Variants in TRIM8 observed in about 807,000 individuals in gnomAD.
TRIM8 encodes tripartite motif containing 8.
A neutral mutation model predicts 55.7 loss-of-function variants in TRIM8; 9 were observed. That is an observed-to-expected ratio of 0.16 (90% CI 0.10 to 0.28). TRIM8 has a LOEUF of 0.28. Among genes scored for constraint, TRIM8 ranks in the 10% least tolerant of loss-of-function variants. TRIM8 has a pLI of 1.00. For synonymous variants in TRIM8, 335 were observed against 333.3 expected, an observed-to-expected ratio of 1.01 and a Z score of -0.06; for missense variants, 556 against 736.4, an observed-to-expected ratio of 0.76 and a Z score of 2.83.
chr10:102,651,767 G>T (rs1049334883), intron 1 of TRIM8, among the ~76,000 whole-genome samples: 3 of 152,242 alleles, frequency 2.0e-5, no homozygotes, highest in African/African-American at 7.2e-5. Context: ...TCCAGGGGAG[G>T]TCAGTGGGCC....
rs2063919842 is a variant in TRIM8 at position 102,644,864 on chromosome 10, G to A, written c.247G>A (p.Val83Met). Residue 83 changes from valine to methionine, a missense_variant, in exon 1 of 6, where the codon GTG becomes ATG. Val to Met is a conservative substitution (Grantham distance 21). Coordinates refer to ENST00000643721, the MANE Select transcript of TRIM8 (RefSeq NM_030912.3). ...CGTGGAGAAGTTCAATGCCCTGCAC[G>A]TGGAGAAGCCGCCGGCGGCGCTGCA... ...NIVEKFNALH[V>M]EKPPAALHCV... 3.1e-6 allele frequency: 5 copies of A among 1,612,174 alleles called. No homozygotes were observed. The African/African-American group carries it at 5.3e-5, about 17-fold the overall frequency.
Position 102,656,895 on chromosome 10 carries a change from G to T in TRIM8, c.1197G>T (p.Gln399His), listed in dbSNP as rs2064029979. The T allele has an allele frequency of 2.5e-6, 4 of 1,592,900 alleles. No homozygotes were observed. Among genetic ancestry groups the T allele is most frequent in the Non-Finnish European group, 3.4e-6 (4 of 1,169,114 alleles). Residue 399 changes from glutamine to histidine, a missense_variant, in exon 6 of 6, where the codon CAG (glutamine) becomes CAT (histidine). By Grantham distance (24) the Gln-to-His change is conservative (BLOSUM62 0). Transcript: ENST00000643721. This position sits in a 1 kb window ranked among gnomAD's most constrained non-coding sequence, Gnocchi z 4.6. ...LETSSGPVGG[Q>H]YGAAGTASGE... ...CGTCGTCGGGCCCTGTGGGCGGCCA[G>T]TACGGGGCGGCGGGCACAGCCAGCG...
At chr10:102,654,108 G>A (rs1180776630) in intron 1 of TRIM8, 1 of 154,916 alleles carries the variant, frequency 6.5e-6, no homozygotes, top group Non-Finnish European at 1.4e-5. Context: ...ACAGAGGTTG[G>A]TGTAGCCCTG....
intron 1 of TRIM8, chr10:102,653,628 G>A (rs12764388): frequency 0.088 from 13,392 of 152,412 alleles, 814 homozygotes; most frequent in East Asian, 0.15. Context: ...CAGCAGCCTG[G>A]CCTCAGGTCT....
chr10:102,654,891 C>T, intron 2 of TRIM8, 143 bp downstream of exon 2: 1 of 912,208 alleles, frequency 1.1e-6, no homozygotes, highest in Non-Finnish European at 1.8e-6. Flanking sequence ...TGGATGCCCA[C>T]TGGTGCCAGG....
Position 102,656,068 on chromosome 10 carries a change from C to T in TRIM8, c.901-38C>T. On this transcript the variant is annotated intron_variant, in intron 3 of 5. Transcript: ENST00000643721. This position sits in a 1 kb window ranked among gnomAD's most constrained non-coding sequence, Gnocchi z 4.6. ...CTCTCCCCGGGCTCTCCCTGGACTGCCTTTTCCACTGACTTGACTCTTTTC... is the reference window on the plus strand; with the variant it reads ...CTCTCCCCGGGCTCTCCCTGGACTGTCTTTTCCACTGACTTGACTCTTTTC... 1 of 1,613,180 alleles carries T rather than the reference C, an allele frequency of 6.2e-7. No homozygotes were observed. Among genetic ancestry groups the T allele is most frequent in the Non-Finnish European group, 8.5e-7 (1 of 1,179,612 alleles).
At chr10:102,654,794 G>T (rs772322365) in intron 2 of TRIM8, 46 bp downstream of exon 2, 3 of 1,425,058 alleles carry the variant, frequency 2.1e-6, no homozygotes, top group Non-Finnish European at 3.0e-6. Flanking sequence ...TGGCTTGAGC[G>T]CAGGGCTTTG....
chr10:102,645,712 A>T (rs1164339165), intron 1 of TRIM8: 2 of 152,650 alleles, frequency 1.3e-5, no homozygotes, highest in Non-Finnish European at 2.9e-5. Flanking sequence ...GGGAGTTTCC[A>T]GAGGGAGAGC....
intron 1 of TRIM8, among the ~76,000 whole-genome samples, chr10:102,650,331 G>T (rs1045823067): frequency 6.6e-6 from 1 of 152,166 alleles, no homozygotes; most frequent in South Asian, 2.1e-4. Flanking sequence ...GCTCCAGGCC[G>T]GGAGGGGAGT....
intron 1 of TRIM8, among the ~76,000 whole-genome samples, chr10:102,649,538 C>A (rs1319036701): frequency 2.6e-5 from 4 of 152,260 alleles, no homozygotes; most frequent in African/African-American, 9.6e-5. Context: ...GAAAGCCTTC[C>A]TTTCCCGGCT....
At position 102,657,210 on chromosome 10, in the gene TRIM8, C is replaced by T. The variant is rs757225935; in HGVS notation, c.1512C>T (p.His504=). 2.5e-6 allele frequency: 4 copies of T among 1,614,016 alleles called. No homozygotes were observed. The highest frequency in any genetic ancestry group is 3.4e-6 in the Non-Finnish European group (4 of 1,179,968). The change falls in exon 6 of 6, where the codon CAC becomes CAT. Residue 504 remains histidine (H), a synonymous_variant. Transcript: ENST00000643721. The part of the protein sequence containing the change: ...PWTVPSQEYS[H]PLPPTPSVPQ... Reference sequence around the variant, plus strand: ...CAGTGCCCTCGCAGGAGTACTCACACCCGCTCCCGCCCACACCCTCCGTCC... The same window carrying T: ...CAGTGCCCTCGCAGGAGTACTCACATCCGCTCCCGCCCACACCCTCCGTCC...
intron 1 of TRIM8, among the ~76,000 whole-genome samples, chr10:102,646,541 T>C (rs939239396): frequency 6.6e-6 from 1 of 152,112 alleles, no homozygotes; most frequent in Non-Finnish European, 1.5e-5. Context: ...CACCACAGGC[T>C]GGGGCGGGGG....
In TRIM8 at chr10:102,657,440, C is replaced by T; in HGVS notation, c.*86C>T. ...ATGCATCCAGAGACCTGCCCTTCTA[C>T]CTTCCTCGCCTCCCCTCTTCCTCAT... On this transcript the variant is annotated 3_prime_UTR_variant, in exon 6 of 6. Transcript: ENST00000643721. 1 of 1,438,368 alleles carries T rather than the reference C, an allele frequency of 7.0e-7. No homozygotes were observed. Among genetic ancestry groups the T allele is most frequent in the Non-Finnish European group, 9.3e-7 (1 of 1,074,768 alleles). 89.1% of individuals were successfully genotyped at this position (1,438,368 alleles called of 1,614,324 possible).
intron 1 of TRIM8, among the ~76,000 whole-genome samples, chr10:102,646,128 C>G (rs981343265): frequency 2.0e-5 from 3 of 152,210 alleles, no homozygotes; most frequent in African/African-American, 7.2e-5. Context: ...CCTCAGGCCT[C>G]TGGGCCTGGT....
Position 102,657,104 on chromosome 10 carries a change from C to T in TRIM8, c.1406C>T (p.Ser469Phe). 6.2e-7 allele frequency: 1 copy of T among 1,613,902 alleles called. No individual in the cohort carries two copies. Among genetic ancestry groups the T allele is most frequent in the Non-Finnish European group, 8.5e-7 (1 of 1,180,014 alleles). ...GGCGGCCGCAAGATTCTCGTCTGTT[C>T]TGTGGACAACTGTTACTGTTCTTCC... ...QYGGRKILVC[S>F]VDNCYCSSVA... Residue 469 changes from serine (S) to phenylalanine (F), a missense_variant, in exon 6 of 6, where the codon TCT becomes TTT. By Grantham distance (155) the Ser-to-Phe change is radical. Around this residue, in one of 2 missense-constraint regions of TRIM8, gnomAD observed 391 missense variants for 441.0 expected, o/e 0.89. Coordinates refer to ENST00000643721, the MANE Select transcript of TRIM8 (RefSeq NM_030912.3).
At chr10:102,646,349 G>A (rs1005257731) in intron 1 of TRIM8, among the ~76,000 whole-genome samples, 5 of 152,208 alleles carry the variant, frequency 3.3e-5, no homozygotes, top group African/African-American at 1.2e-4. Context: ...GGGACTGGGA[G>A]TGTCTCTGGG....
chr10:102,654,534 C>G, intron 1 of TRIM8, 119 bp from the exon 2 acceptor site: 1 of 821,484 alleles, frequency 1.2e-6, no homozygotes, highest in Non-Finnish European at 2.1e-6. Flanking sequence ...GGCTGGGTAG[C>G]AGAGGCTTGG....
chr10:102,646,454 T>TG (rs1246553433), intron 1 of TRIM8, among the ~76,000 whole-genome samples: 1 of 152,098 alleles, frequency 6.6e-6, no homozygotes, highest in Non-Finnish European at 1.5e-5. Context: ...GTTTCCTGTG[T>TG]GGGGGGACCA....
intron 1 of TRIM8, among the ~76,000 whole-genome samples, chr10:102,646,364 G>T (rs1020060405): frequency 1.3e-5 from 2 of 152,212 alleles, no homozygotes; most frequent in Admixed American, 1.3e-4. Context: ...TCTGGGTGGG[G>T]ATCCCTGGAG....
Sources: gnomAD v4.1 joint callset for allele counts (sites outside exome capture counted in the v4.1 genomes callset) on GRCh38, gnomAD v4.1.1 for gene constraint, gnomAD v4.1.1 regional missense constraint, Gnocchi (gnomAD v3.1) non-coding constraint, MANE v1.5 for transcripts, NCBI Gene and HGNC (gene_info 2026-07-23, HGNC 2026-07-21) for gene names.